SNX18: variants seen among roughly 807,000 people sequenced by gnomAD.
SNX18 encodes the protein sorting nexin 18, also known as sorting nexin-18.
In SNX18, 35 loss-of-function variants were observed where a neutral mutation model predicts 48.7. The observed-to-expected ratio is 0.72, with a 90% CI of 0.55 to 0.95. The LOEUF (loss-of-function observed/expected upper bound fraction) is 0.95, where lower values mean the gene tolerates loss of function less well. Among genes scored for constraint, SNX18 ranks in the 40% least tolerant of loss-of-function variants. The pLI is 0.00. For missense variants in SNX18, 824 were observed against 871.0 expected (o/e 0.95, Z 0.68); for synonymous variants, 492 against 384.7 (o/e 1.28, Z -3.26).
chr5:54,551,662 C>T, the SNX18 span, among the ~76,000 whole-genome samples: 1 of 152,152 alleles, frequency 6.6e-6, no homozygotes, highest in East Asian at 1.9e-4. Flanking sequence ...AGCGGCAGAG[C>T]TGGGAATTGA....
At chr5:54,568,997 T>C in the SNX18 span, among the ~76,000 whole-genome samples, 1 of 151,882 alleles carries the variant, frequency 6.6e-6, no homozygotes, top group African/African-American at 2.4e-5. Context: ...TGCACATCAC[T>C]ACACCCAGCT....
chr5:54,527,982 A>T (rs1762167386), intron 1 of SNX18, among the ~76,000 whole-genome samples: 1 of 152,192 alleles, frequency 6.6e-6, no homozygotes, highest in Non-Finnish European at 1.5e-5. Context: ...TAAAAGTCTT[A>T]GAGTTTTGTG....
intron 1 of SNX18, among the ~76,000 whole-genome samples, chr5:54,537,340 G>A (rs762487498): frequency 2.9e-4 from 44 of 152,238 alleles, no homozygotes; most frequent in South Asian, 1.0e-3. Context: ...ATTGTCAGCC[G>A]CTTTTTAAAT....
chr5:54,621,741 A>G, the SNX18 span, among the ~76,000 whole-genome samples: 1 of 152,220 alleles, frequency 6.6e-6, no homozygotes, highest in Non-Finnish European at 1.5e-5. Flanking sequence ...CTGGCTGCTC[A>G]TTTAGCCACA....
chr5:54,608,836 G>A, the SNX18 span, among the ~76,000 whole-genome samples: 1 of 152,128 alleles, frequency 6.6e-6, no homozygotes, highest in African/African-American at 2.4e-5. Flanking sequence ...TCAGCCCTTG[G>A]TGTCTCTCCC....
At chr5:54,553,600 C>G in the SNX18 span, among the ~76,000 whole-genome samples, 3 of 152,190 alleles carry the variant, frequency 2.0e-5, no homozygotes. Flanking sequence ...TGAGTTAGCT[C>G]TCAGATAATA....
chr5:54,613,721 G>A, the SNX18 span, among the ~76,000 whole-genome samples: 2 of 152,088 alleles, frequency 1.3e-5, no homozygotes, highest in Non-Finnish European at 1.5e-5. Flanking sequence ...TTTTTGAGAC[G>A]GAGTTTTGCT....
chr5:54,637,986 G>GGAGAGAGAGA, the SNX18 span, among the ~76,000 whole-genome samples: 649 of 149,414 alleles, frequency 4.3e-3, 1 homozygote, highest in Middle Eastern at 0.01. Context: ...CTGCTGGACT[G>GGAGAGAGAGA]GAGAGAGAGA....
chr5:54,556,765 G>T, the SNX18 span, among the ~76,000 whole-genome samples: 1 of 152,066 alleles, frequency 6.6e-6, no homozygotes, highest in Admixed American at 6.6e-5. Context: ...TGCAGGATTG[G>T]GGGGTATGCA....
the SNX18 span, among the ~76,000 whole-genome samples, chr5:54,628,179 G>C: frequency 6.6e-6 from 1 of 152,148 alleles, no homozygotes; most frequent in East Asian, 1.9e-4. Flanking sequence ...TTTGGAAGTA[G>C]AACTGGGATG....
At chr5:54,639,723 T>A in the SNX18 span, among the ~76,000 whole-genome samples, 5 of 152,216 alleles carry the variant, frequency 3.3e-5, no homozygotes, top group African/African-American at 4.8e-5. Context: ...GGACAAGCTT[T>A]GTCTTGAAGA....
chr5:54,598,470 G>A, the SNX18 span, among the ~76,000 whole-genome samples: 1 of 152,186 alleles, frequency 6.6e-6, no homozygotes, highest in African/African-American at 2.4e-5. Flanking sequence ...GAACATCAAT[G>A]TAAAAATTCT....
the SNX18 span, among the ~76,000 whole-genome samples, chr5:54,627,367 C>A: frequency 6.6e-6 from 1 of 152,092 alleles, no homozygotes; most frequent in Non-Finnish European, 1.5e-5. Context: ...TTCCTCTTAC[C>A]CTTTCCTGGG....
the SNX18 span, among the ~76,000 whole-genome samples, chr5:54,566,184 C>G: frequency 6.6e-6 from 1 of 152,254 alleles, no homozygotes; most frequent in African/African-American, 2.4e-5. Context: ...TTCTCTTTCA[C>G]CAGGCTAATC....
At chr5:54,581,420 CAAGCAGA>C in the SNX18 span, among the ~76,000 whole-genome samples, 23 of 151,924 alleles carry the variant, frequency 1.5e-4, no homozygotes, top group Admixed American at 1.5e-3. Context: ...CAGAACTACA[CAAGCAGA>C]AATGAGGGTT....
the SNX18 span, among the ~76,000 whole-genome samples, chr5:54,571,826 G>A: frequency 6.6e-6 from 1 of 152,176 alleles, no homozygotes; most frequent in East Asian, 1.9e-4. Flanking sequence ...ATGTGTGTTA[G>A]GGTGTCTGAA....
intron 1 of SNX18, among the ~76,000 whole-genome samples, chr5:54,536,072 CTTCACAGA>C (rs1762347905): frequency 6.6e-6 from 1 of 152,194 alleles, no homozygotes; most frequent in South Asian, 2.1e-4. Flanking sequence ...TTCCTGCCTC[CTTCACAGA>C]GATCCCCTGA....
In SNX18 at chr5:54,517,776, G is replaced by T. The variant is rs931683813; in HGVS notation, c.-177G>T. ...AGCGCGGCAGTCGGCGCTGCGAAGT[G>T]GAGGCGCTGCGAGCGGAGCCGCGCG... On this transcript the variant is annotated 5_prime_UTR_variant, in exon 1 of 2. Transcript: ENST00000381410. 2.1e-6 allele frequency: 1 copy of T among 486,456 alleles called. No homozygotes were observed. The highest frequency in any genetic ancestry group is 2.0e-5 in the African/African-American group (1 of 49,334). 30.1% of individuals were successfully genotyped at this position (486,456 alleles called of 1,614,324 possible).
the SNX18 span, among the ~76,000 whole-genome samples, chr5:54,639,914 G>A: frequency 0.072 from 11,002 of 152,220 alleles, 543 homozygotes; most frequent in Middle Eastern, 0.15. Flanking sequence ...GTGGGCCCAC[G>A]CACTATAAGG....
Sources: gnomAD v4.1 joint callset for allele counts (sites outside exome capture counted in the v4.1 genomes callset) on GRCh38, gnomAD v4.1.1 for gene constraint, MANE v1.5 for transcripts, NCBI Gene and HGNC (gene_info 2026-07-23, HGNC 2026-07-21) for gene names.